Variants in PDE10A observed in about 807,000 individuals in gnomAD.
PDE10A encodes the protein cAMP and cAMP-inhibited cGMP 3',5'-cyclic phosphodiesterase 10A.
PDE10A carries 39 observed loss-of-function variants against 97.7 expected under a neutral mutation model. The ratio of observed to expected loss-of-function variants is 0.40; its 90% CI spans 0.31 to 0.52. The LOEUF is 0.52. Ranked by LOEUF, PDE10A falls within the 20% of genes least tolerant of loss-of-function variation. PDE10A has a pLI of 0.56. For synonymous variants in PDE10A, 371 were observed against 376.8 expected (o/e 0.98, Z 0.18); for missense variants, 731 against 1,047.8 (o/e 0.70, Z 4.17).
intron 1 of PDE10A, among the ~76,000 whole-genome samples, chr6:165,757,851 C>T (rs138759467): frequency 0.015 from 2,315 of 152,240 alleles, 56 homozygotes; most frequent in African/African-American, 0.052. Flanking sequence ...AGAATGATGA[C>T]ATAATTTAGA....
intron 1 of PDE10A, among the ~76,000 whole-genome samples, chr6:165,870,080 C>A (rs1177547686): frequency 1.1e-4 from 16 of 152,032 alleles, no homozygotes; most frequent in Non-Finnish European, 2.4e-4. Context: ...CAGATAACAA[C>A]AACAAAATAG....
chr6:165,642,564 C>A (rs745597663), intron 1 of PDE10A, among the ~76,000 whole-genome samples: 1 of 152,192 alleles, frequency 6.6e-6, no homozygotes, highest in South Asian at 2.1e-4. Context: ...AACAGTGGTA[C>A]GGACTGGTTG....
intron 1 of PDE10A, among the ~76,000 whole-genome samples, chr6:165,647,930 C>T (rs980987281): frequency 4.6e-5 from 7 of 152,240 alleles, no homozygotes; most frequent in African/African-American, 1.7e-4. Context: ...ACAACTACAA[C>T]GCAGGGGCTC....
intron 2 of PDE10A, among the ~76,000 whole-genome samples, chr6:165,515,882 T>C (rs1258962791): frequency 6.6e-6 from 1 of 152,110 alleles, no homozygotes; most frequent in African/African-American, 2.4e-5. Flanking sequence ...GTAAATTTAT[T>C]TTCTTAACCC....
At chr6:165,708,066 C>A (rs148812326) in intron 1 of PDE10A, among the ~76,000 whole-genome samples, 2 of 152,302 alleles carry the variant, frequency 1.3e-5, no homozygotes, top group Non-Finnish European at 2.9e-5. Flanking sequence ...CCTTCCATTT[C>A]TCTGTTCTTT....
In PDE10A at chr6:165,656,760, G is replaced by C. The variant is rs563506184; in HGVS notation, c.865+5187C>G. 2.0e-5 allele frequency among the ~76,000 whole-genome samples: 3 copies of C among 152,272 alleles called. No individual in the cohort carries two copies. In the East Asian group the frequency reaches 5.8e-4, roughly 30 times the overall value. ...CGAAGGCACTGCCTCTTCACACCTT[G>C]TGAAACCTTTCCAGGACCTCCCAGT... On this transcript the variant is annotated intron_variant, in intron 1 of 21. Coordinates refer to ENST00000539869, the MANE Select transcript of PDE10A (RefSeq NM_001385079.1).
chr6:165,810,718 C>A (rs1400927896), intron 1 of PDE10A, among the ~76,000 whole-genome samples: 1 of 152,084 alleles, frequency 6.6e-6, no homozygotes, highest in Non-Finnish European at 1.5e-5. Context: ...GTGTTCTGCT[C>A]GCTCAGTCTC....
chr6:165,908,779 C>A (rs546298317), intron 1 of PDE10A: 6 of 152,298 alleles, frequency 3.9e-5, no homozygotes, highest in African/African-American at 1.4e-4. Context: ...CAGGGTGGAG[C>A]CTTGTCAAGC....
At chr6:165,359,883 C>T (rs1239095028) in intron 18 of PDE10A, among the ~76,000 whole-genome samples, 2 of 152,140 alleles carry the variant, frequency 1.3e-5, no homozygotes, top group Admixed American at 1.3e-4. Flanking sequence ...ACAGACAGGG[C>T]ACACCAGATG....
At chr6:165,852,957 T>G (rs1347937421) in intron 1 of PDE10A, among the ~76,000 whole-genome samples, 1 of 152,260 alleles carries the variant, frequency 6.6e-6, no homozygotes, top group Non-Finnish European at 1.5e-5. Flanking sequence ...CATTTGTGAC[T>G]TCATCAAATA....
chr6:165,891,964 A>T (rs4994969), intron 1 of PDE10A, among the ~76,000 whole-genome samples: 329 of 11,344 alleles, frequency 0.029, 2 homozygotes, highest in African/African-American at 0.089. Flanking sequence ...TTTTTTTTTT[A>T]ATGTGATGAA....
chr6:165,553,572 G>T (rs1345151139), intron 1 of PDE10A, among the ~76,000 whole-genome samples: 2 of 152,138 alleles, frequency 1.3e-5, no homozygotes. Flanking sequence ...ATGAGCCTTG[G>T]TTTAATATAC....
chr6:165,435,575 A>T (rs1789954731), intron 5 of PDE10A, among the ~76,000 whole-genome samples, 198 bp from the exon 6 acceptor site: 1 of 152,222 alleles, frequency 6.6e-6, no homozygotes, highest in South Asian at 2.1e-4. Flanking sequence ...CACAAAAAAT[A>T]CACACTCAAA....
At chr6:165,342,912 C>T (rs1228863814) in intron 19 of PDE10A, among the ~76,000 whole-genome samples, 2 of 152,200 alleles carry the variant, frequency 1.3e-5, no homozygotes, top group Non-Finnish European at 2.9e-5. Flanking sequence ...ATATTCCACA[C>T]ATTCTGCAGA....
intron 1 of PDE10A, among the ~76,000 whole-genome samples, chr6:165,730,136 G>A (rs370487109): frequency 6.9e-5 from 10 of 144,604 alleles, no homozygotes; most frequent in African/African-American, 1.9e-4. Flanking sequence ...ATATGTATAT[G>A]AATATATGAA....
chr6:165,469,496 G>A (rs969395653), intron 3 of PDE10A, among the ~76,000 whole-genome samples: 65 of 152,284 alleles, frequency 4.3e-4, no homozygotes, highest in African/African-American at 1.3e-3. Flanking sequence ...TAATTTATGC[G>A]AAGAATTTTT....
chr6:165,698,475 G>A (rs962213733), intron 1 of PDE10A, among the ~76,000 whole-genome samples: 1 of 152,176 alleles, frequency 6.6e-6, no homozygotes, highest in Non-Finnish European at 1.5e-5. Context: ...AGTGGAAAGA[G>A]CAAGGGTTTG....
intron 1 of PDE10A, among the ~76,000 whole-genome samples, chr6:165,981,544 G>T (rs987546306): frequency 6.6e-6 from 1 of 152,182 alleles, no homozygotes; most frequent in Non-Finnish European, 1.5e-5. Flanking sequence ...GTCCAAAGAT[G>T]AGTGAGGACT....
intron 5 of PDE10A, among the ~76,000 whole-genome samples, chr6:165,444,400 G>A (rs574150970): frequency 1.3e-5 from 2 of 152,292 alleles, no homozygotes; most frequent in East Asian, 3.9e-4. Flanking sequence ...AGTTTAGTAT[G>A]TGTATTATTT....
Sources: allele counts gnomAD v4.1 joint callset (sites outside exome capture counted in the v4.1 genomes callset), GRCh38; gene constraint gnomAD v4.1.1; transcripts MANE v1.5; gene names NCBI Gene and HGNC (gene_info 2026-07-23, HGNC 2026-07-21).